The following SKA2 variants were observed in gnomAD, a reference collection of about 807,000 sequenced individuals.
The protein encoded by SKA2 is spindle and kinetochore associated complex subunit 2.
In SKA2, 13 loss-of-function variants were observed where a neutral mutation model predicts 16.9. The ratio of observed to expected loss-of-function variants is 0.77; its 90% confidence interval spans 0.50 to 1.22. SKA2 has a LOEUF of 1.22. SKA2 is among the 50% of genes most tolerant of loss of function. The probability of loss-of-function intolerance (pLI) is 0.00; values close to 1 mark genes in which losing one functional copy is unlikely to be tolerated. For missense variants in SKA2, 107 were observed against 139.7 expected (o/e 0.77, Z 1.18); for synonymous variants, 47 against 48.5 (o/e 0.97, Z 0.13).
chr17:59,114,476 G>A (rs566443403), intron 3 of SKA2, among the ~76,000 whole-genome samples: 9 of 152,274 alleles, frequency 5.9e-5, no homozygotes, highest in South Asian at 4.1e-4. Flanking sequence ...ACTGAATACC[G>A]TAGGCAGTGG....
intron 1 of SKA2, among the ~76,000 whole-genome samples, chr17:59,144,867 C>A (rs1008299889): frequency 6.6e-6 from 1 of 151,926 alleles, no homozygotes; most frequent in Non-Finnish European, 1.5e-5. Flanking sequence ...GGTTAGAGGG[C>A]GACGCTGCAT....
chr17:59,114,468 T>C (rs1456391723), intron 3 of SKA2, among the ~76,000 whole-genome samples: 2 of 152,222 alleles, frequency 1.3e-5, no homozygotes, highest in African/African-American at 2.4e-5. Context: ...GTTACTGTAC[T>C]GAATACCGTA....
At chr17:59,145,441 C>G (rs1037549872) in intron 1 of SKA2, among the ~76,000 whole-genome samples, 4 of 152,126 alleles carry the variant, frequency 2.6e-5, no homozygotes, top group Non-Finnish European at 5.9e-5. Flanking sequence ...TATTTGCCCT[C>G]TCCTTCAGTT....
At chr17:59,131,666 T>C (rs2046412669) in intron 1 of SKA2, among the ~76,000 whole-genome samples, 1 of 152,188 alleles carries the variant, frequency 6.6e-6, no homozygotes, top group Non-Finnish European at 1.5e-5. Flanking sequence ...AAAAAACTAA[T>C]AATGACGTCA....
intron 3 of SKA2, among the ~76,000 whole-genome samples, chr17:59,113,178 G>A (rs2046274818): frequency 6.6e-6 from 1 of 151,610 alleles, no homozygotes; most frequent in African/African-American, 2.4e-5. Context: ...AGCCCTGATG[G>A]TGCTACTGCA....
chr17:59,148,678 C>T (rs957708173), intron 1 of SKA2, among the ~76,000 whole-genome samples: 6 of 151,222 alleles, frequency 4.0e-5, no homozygotes, highest in Non-Finnish European at 8.8e-5. Flanking sequence ...AGTGGTGGCA[C>T]GTGCCTGTGG....
chr17:59,117,537 C>T (rs1042800032), intron 3 of SKA2, among the ~76,000 whole-genome samples: 1 of 152,052 alleles, frequency 6.6e-6, no homozygotes, highest in Admixed American at 6.5e-5. Flanking sequence ...TACCAGCATG[C>T]ACTCCCATGC....
intron 1 of SKA2, among the ~76,000 whole-genome samples, chr17:59,145,337 C>G (rs2046523945): frequency 6.6e-6 from 1 of 152,186 alleles, no homozygotes; most frequent in African/African-American, 2.4e-5. Context: ...AGCTCTCCCT[C>G]TCAACAGTAT....
chr17:59,143,254 A>T (rs1963358692), intron 1 of SKA2, among the ~76,000 whole-genome samples: 1 of 151,744 alleles, frequency 6.6e-6, no homozygotes, highest in Admixed American at 6.6e-5. Flanking sequence ...CCCAGGCTGG[A>T]GTGCAGTGGT....
chr17:59,120,221 A>T (rs1384688471), intron 2 of SKA2, among the ~76,000 whole-genome samples: 1 of 151,186 alleles, frequency 6.6e-6, no homozygotes, highest in Non-Finnish European at 1.5e-5. Flanking sequence ...ATTCGTAAAC[A>T]TACTATCATG....
chr17:59,145,637 T>G (rs1370094785), intron 1 of SKA2, among the ~76,000 whole-genome samples: 1 of 152,150 alleles, frequency 6.6e-6, no homozygotes, highest in Admixed American at 6.6e-5. Flanking sequence ...CATATTTATC[T>G]GTGTCTCCCA....
At chr17:59,140,184 G>A (rs1244942289) in intron 1 of SKA2, among the ~76,000 whole-genome samples, 1 of 151,306 alleles carries the variant, frequency 6.6e-6, no homozygotes, top group Non-Finnish European at 1.5e-5. Context: ...AACCAGAGGG[G>A]ATAAAAGTGA....
intron 3 of SKA2, among the ~76,000 whole-genome samples, chr17:59,115,760 T>C (rs2147792627): frequency 6.6e-6 from 1 of 152,174 alleles, no homozygotes; most frequent in Non-Finnish European, 1.5e-5. Flanking sequence ...TACCCAGCTA[T>C]GAGACTAATG....
At chr17:59,118,428 T>C (rs775448116) in intron 3 of SKA2, among the ~76,000 whole-genome samples, 1 of 152,210 alleles carries the variant, frequency 6.6e-6, no homozygotes, top group South Asian at 2.1e-4. Flanking sequence ...ATTCTGTGCT[T>C]CAATAAATTT....
chr17:59,149,821 A>G (rs79866002), intron 1 of SKA2, among the ~76,000 whole-genome samples: 4,187 of 152,276 alleles, frequency 0.027, 95 homozygotes, highest in African/African-American at 0.051. Flanking sequence ...CATTTATATG[A>G]AATTCTAGGA....
intron 1 of SKA2, among the ~76,000 whole-genome samples, chr17:59,154,596 C>T (rs184513764): frequency 1.3e-5 from 2 of 152,324 alleles, no homozygotes; most frequent in African/African-American, 4.8e-5. Context: ...GAAACGGGTT[C>T]CTTGGCCGTT....
At chr17:59,122,316 A>G (rs1952280076) in intron 2 of SKA2, among the ~76,000 whole-genome samples, 1 of 152,100 alleles carries the variant, frequency 6.6e-6, no homozygotes, top group Non-Finnish European at 1.5e-5. Flanking sequence ...TCTCTACAAA[A>G]AATAATTCAA....
chr17:59,125,622 C>T (rs2147801631), intron 2 of SKA2, among the ~76,000 whole-genome samples: 1 of 147,810 alleles, frequency 6.8e-6, no homozygotes, highest in African/African-American at 2.5e-5. Context: ...ATCACTTGAA[C>T]CCAGTGAGCC....
intron 3 of SKA2, among the ~76,000 whole-genome samples, chr17:59,115,055 C>CT (rs776335145): frequency 0.015 from 2,008 of 137,142 alleles, 33 homozygotes; most frequent in African/African-American, 0.04. Context: ...TTCTTTCTTC[C>CT]TTTTTTTTTT....
Sources: gnomAD v4.1 joint callset for allele counts (sites outside exome capture counted in the v4.1 genomes callset) on GRCh38, gnomAD v4.1.1 for gene constraint, MANE v1.5 for transcripts, NCBI Gene and HGNC (gene_info 2026-07-23, HGNC 2026-07-21) for gene names.